IPO11: variants seen among roughly 807,000 people sequenced by gnomAD.
IPO11 encodes the protein importin 11.
IPO11 carries 66 observed loss-of-function variants against 143.2 expected under a neutral mutation model. That is an observed-to-expected ratio of 0.46 (90% CI 0.38 to 0.57). The LOEUF (loss-of-function observed/expected upper bound fraction) is 0.57. IPO11 is among the 20% of genes least tolerant of loss of function. IPO11 has a pLI of 0.00. For synonymous variants in IPO11, 385 were observed against 377.8 expected, an observed-to-expected ratio of 1.02 and a Z score of -0.22; for missense variants, 1,026 against 1,141.0, an observed-to-expected ratio of 0.90 and a Z score of 1.45.
chr5:62,578,324 A>G (rs1744399420), intron 27 of IPO11, among the ~76,000 whole-genome samples: 1 of 152,106 alleles, frequency 6.6e-6, no homozygotes, highest in South Asian at 2.1e-4. Flanking sequence ...ATTTATGTTC[A>G]TTCTAAATTT....
intron 1 of IPO11, among the ~76,000 whole-genome samples, chr5:62,427,205 G>A (rs1220022452): frequency 6.6e-6 from 1 of 151,890 alleles, no homozygotes; most frequent in Non-Finnish European, 1.5e-5. Flanking sequence ...ATCCCAAAGT[G>A]CTGGGATTAC....
intron 1 of IPO11, among the ~76,000 whole-genome samples, chr5:62,426,473 A>G (rs1465872185): frequency 2.0e-5 from 3 of 152,198 alleles, no homozygotes; most frequent in Non-Finnish European, 4.4e-5. Flanking sequence ...AAATTTCATG[A>G]GAGTGCAGTT....
intron 8 of IPO11, among the ~76,000 whole-genome samples, chr5:62,476,446 ATTCTT>A (rs1745959415): frequency 6.6e-6 from 1 of 152,178 alleles, no homozygotes; most frequent in Non-Finnish European, 1.5e-5. Context: ...TAAAACGACT[ATTCTT>A]TTACTATAAA....
intron 28 of IPO11, among the ~76,000 whole-genome samples, chr5:62,593,305 T>A (rs1259881331): frequency 2.0e-5 from 3 of 152,208 alleles, no homozygotes; most frequent in African/African-American, 7.2e-5. Context: ...CTAGAAAATT[T>A]AGAAATTATC....
chr5:62,470,172 C>G (rs1745716827), intron 6 of IPO11, 78 bp from the exon 7 acceptor site: 1 of 1,379,000 alleles, frequency 7.3e-7, no homozygotes. Context: ...TTAAGTTTTG[C>G]AATTCTGAAT....
intron 24 of IPO11, among the ~76,000 whole-genome samples, chr5:62,543,534 C>T (rs1743038065): frequency 6.6e-6 from 1 of 152,026 alleles, no homozygotes; most frequent in African/African-American, 2.4e-5. Context: ...TAGTGATATC[C>T]CCTTTAACAT....
chr5:62,595,638 C>G (rs1344877260), intron 28 of IPO11, among the ~76,000 whole-genome samples: 3 of 151,966 alleles, frequency 2.0e-5, no homozygotes, highest in African/African-American at 4.8e-5. Flanking sequence ...AACGTTGATA[C>G]TAGTATTTCT....
chr5:62,549,182 T>A (rs1048654845), intron 24 of IPO11, among the ~76,000 whole-genome samples: 5 of 152,308 alleles, frequency 3.3e-5, no homozygotes, highest in African/African-American at 1.2e-4. Context: ...TAATGAGGAA[T>A]TGATATCTTG....
intron 1 of IPO11, among the ~76,000 whole-genome samples, chr5:62,424,326 A>T (rs1678462407): frequency 6.6e-6 from 1 of 152,006 alleles, no homozygotes. Context: ...TTTTTGGTAG[A>T]GACGGGGTTT....
At chr5:62,513,286 GA>G (rs1741845182) in intron 19 of IPO11, among the ~76,000 whole-genome samples, 1 of 110,198 alleles carries the variant, frequency 9.1e-6, no homozygotes, top group Non-Finnish European at 1.8e-5. Context: ...CTCCCTCCCG[GA>G]CGGGGCGGCT....
chr5:62,442,000 C>G (rs1014891665), intron 2 of IPO11, among the ~76,000 whole-genome samples: 1 of 151,594 alleles, frequency 6.6e-6, no homozygotes, highest in African/African-American at 2.4e-5. Context: ...CATGCGCCAC[C>G]ATGCCCAGCT....
intron 3 of IPO11, among the ~76,000 whole-genome samples, chr5:62,446,476 C>A (rs954739699): frequency 3.3e-5 from 5 of 152,166 alleles, no homozygotes; most frequent in Admixed American, 6.5e-5. Flanking sequence ...TCATTTTAGT[C>A]ATTCTGGTGA....
intron 25 of IPO11, among the ~76,000 whole-genome samples, chr5:62,550,807 A>G (rs1383818965): frequency 6.6e-6 from 1 of 151,990 alleles, no homozygotes; most frequent in African/African-American, 2.4e-5. Flanking sequence ...ACCACTGGTT[A>G]TTTTCTAAGA....
At chr5:62,519,587 T>C (rs926137958) in intron 20 of IPO11, among the ~76,000 whole-genome samples, 22 of 152,212 alleles carry the variant, frequency 1.4e-4, no homozygotes, top group African/African-American at 5.3e-4. Flanking sequence ...CATTATGTCA[T>C]GATTAATTTT....
At chr5:62,580,844 A>C in intron 27 of IPO11, 1 of 1,551,422 alleles carries the variant, frequency 6.4e-7, no homozygotes. Flanking sequence ...TTTTTTCAAG[A>C]GAATGCCTTT....
intron 22 of IPO11, among the ~76,000 whole-genome samples, chr5:62,536,277 T>C (rs763481185): frequency 6.6e-6 from 1 of 152,144 alleles, no homozygotes; most frequent in Non-Finnish European, 1.5e-5. Flanking sequence ...AAATTTATTT[T>C]GAAATGAAAG....
intron 29 of IPO11, 54 bp downstream of exon 29, chr5:62,601,902 G>A: frequency 3.6e-6 from 4 of 1,114,744 alleles, no homozygotes; most frequent in South Asian, 3.1e-5. Flanking sequence ...ATCATTTTCT[G>A]TAGGTTCAGA....
At chr5:62,516,405 T>C (rs540946126) in intron 20 of IPO11, among the ~76,000 whole-genome samples, 6 of 152,300 alleles carry the variant, frequency 3.9e-5, no homozygotes, top group Non-Finnish European at 7.4e-5. Flanking sequence ...GCAAGTCTCC[T>C]GTCTCAGCCT....
chr5:62,578,864 C>T (rs556462777), intron 27 of IPO11: 14 of 306,434 alleles, frequency 4.6e-5, no homozygotes, highest in East Asian at 9.9e-5. Flanking sequence ...TAAGAAATGT[C>T]GTTCTTCAGA....
Sources: gnomAD v4.1 joint callset for allele counts (sites outside exome capture counted in the v4.1 genomes callset) on GRCh38, gnomAD v4.1.1 for gene constraint, MANE v1.5 for transcripts, NCBI Gene and HGNC (gene_info 2026-07-23, HGNC 2026-07-21) for gene names.